The following TMTC2 variants were observed in gnomAD, a reference collection of about 807,000 sequenced individuals.
TMTC2 encodes the protein transmembrane O-mannosyltransferase targeting cadherins 2.
In TMTC2, 43 loss-of-function variants were observed where a neutral mutation model predicts 82.4. The observed-to-expected ratio is 0.52, with a 90% confidence interval of 0.41 to 0.67. The LOEUF (loss-of-function observed/expected upper bound fraction) is 0.67. Ranked by LOEUF, TMTC2 falls within the 30% of genes least tolerant of loss-of-function variation. The probability of loss-of-function intolerance (pLI) is 0.00; values close to 1 mark genes in which losing one functional copy is unlikely to be tolerated. For missense variants in TMTC2, 919 were observed against 1,012.4 expected (o/e 0.91, Z 1.25); for synonymous variants, 408 against 381.9 (o/e 1.07, Z -0.80).
intron 11 of TMTC2, among the ~76,000 whole-genome samples, chr12:83,100,563 T>C (rs955813927): frequency 2.6e-5 from 4 of 152,218 alleles, no homozygotes; most frequent in Non-Finnish European, 4.4e-5. Flanking sequence ...TATATTGTTT[T>C]GAAATATGTC....
chr12:83,069,319 T>C (rs1883028345), intron 11 of TMTC2, among the ~76,000 whole-genome samples: 1 of 152,196 alleles, frequency 6.6e-6, no homozygotes, highest in African/African-American at 2.4e-5. Context: ...ACCAGCAGTG[T>C]AGAAATGTTC....
intron 1 of TMTC2, among the ~76,000 whole-genome samples, chr12:82,730,287 T>C: frequency 1.0e-5 from 1 of 97,266 alleles, no homozygotes. Context: ...AGAGCAAAAC[T>C]CTGTCTCTCA....
At chr12:82,805,688 G>T (rs1265626025) in intron 1 of TMTC2, among the ~76,000 whole-genome samples, 2 of 151,624 alleles carry the variant, frequency 1.3e-5, no homozygotes, top group South Asian at 2.1e-4. Flanking sequence ...TGTATTTTTA[G>T]TAGAGACGGG....
intron 8 of TMTC2, among the ~76,000 whole-genome samples, chr12:83,029,730 T>A (rs1430567730): frequency 1.3e-5 from 2 of 152,178 alleles, no homozygotes; most frequent in African/African-American, 4.8e-5. Context: ...TTCTCCTATC[T>A]TGTGCCATCC....
chr12:82,915,932 G>A (rs1334217437), intron 3 of TMTC2, among the ~76,000 whole-genome samples: 1 of 152,174 alleles, frequency 6.6e-6, no homozygotes, highest in Non-Finnish European at 1.5e-5. Flanking sequence ...GCAACTCAAC[G>A]TCTGTCATCC....
chr12:82,752,525 A>G (rs920569436), intron 1 of TMTC2, among the ~76,000 whole-genome samples: 2 of 151,958 alleles, frequency 1.3e-5, no homozygotes, highest in African/African-American at 2.4e-5. Flanking sequence ...TTAGGGCTGG[A>G]GTTACCCTGA....
chr12:82,733,164 A>C (rs1429467218), intron 1 of TMTC2, among the ~76,000 whole-genome samples: 1 of 152,196 alleles, frequency 6.6e-6, no homozygotes. Context: ...GAAATGATGC[A>C]ATTAAGGAAA....
At chr12:83,083,598 G>A (rs934871253) in intron 11 of TMTC2, among the ~76,000 whole-genome samples, 1 of 152,170 alleles carries the variant, frequency 6.6e-6, no homozygotes, top group Non-Finnish European at 1.5e-5. Context: ...GCGTAGACTG[G>A]TGCCTAAAGA....
rs1215915423 is a variant in TMTC2, at chr12:82,872,009, C to G, written c.654+14429C>G. On this transcript the variant is annotated intron_variant, in intron 2 of 11. Transcript: ENST00000321196. The stretch of plus-strand genomic sequence containing the variant: ...ATTACAAAAAAGTTGAACAACACCC[C>G]CCCCCCCGCCCACACCCCGCAGTTG... 5.3e-5 allele frequency among the ~76,000 whole-genome samples: 7 copies of G among 130,924 alleles called. No individual in the cohort carries two copies. In the East Asian group the frequency reaches 7.3e-4, roughly 14 times the overall value. The allele number at this position is 130,924 out of a possible 152,430, so 85.9% of individuals were successfully genotyped here. A position where few individuals can be genotyped will look rare whatever the true frequency, so the allele number is the denominator to read the frequency against.
At chr12:82,858,301 A>C (rs954893137) in intron 2 of TMTC2, among the ~76,000 whole-genome samples, 1 of 152,200 alleles carries the variant, frequency 6.6e-6, no homozygotes, top group Non-Finnish European at 1.5e-5. Flanking sequence ...CTAGAGCATT[A>C]AGGAGAGGCA....
In TMTC2 at chr12:82,869,846, A is replaced by T. The variant is rs189013738; in HGVS notation, c.654+12266A>T. On this transcript the variant is annotated intron_variant, in intron 2 of 11. Transcript: ENST00000321196. ...AGAGTGAGACCCTGTCTCAAAAAAA[A>T]AAATAAATAAAAAATAAAAATAAAA... Among the ~76,000 whole-genome samples, 1,516 of 151,884 alleles carry T rather than the reference A, an allele frequency of 1.0e-2. 9 individuals carry two copies. The highest frequency in any genetic ancestry group is 0.015 in the Non-Finnish European group (998 of 67,938).
intron 8 of TMTC2, among the ~76,000 whole-genome samples, chr12:83,022,448 CAT>C (rs1209387167): frequency 6.9e-6 from 1 of 144,596 alleles, no homozygotes; most frequent in Non-Finnish European, 1.5e-5. Flanking sequence ...GTTACCTACT[CAT>C]GTGTAAACTA....
intron 11 of TMTC2, among the ~76,000 whole-genome samples, chr12:83,062,417 C>A (rs1380045189): frequency 6.6e-6 from 1 of 151,656 alleles, no homozygotes; most frequent in African/African-American, 2.4e-5. Context: ...ACTGGTTTTG[C>A]CTCGGTCTTC....
intron 8 of TMTC2, among the ~76,000 whole-genome samples, chr12:82,997,081 G>A (rs1879653374): frequency 6.7e-6 from 1 of 149,750 alleles, no homozygotes; most frequent in South Asian, 2.1e-4. Flanking sequence ...TGCCAAAGTG[G>A]TAATCACTCC....
At chr12:83,125,107 C>G (rs1053849137) in intron 11 of TMTC2, among the ~76,000 whole-genome samples, 1 of 152,184 alleles carries the variant, frequency 6.6e-6, no homozygotes, top group South Asian at 2.1e-4. Flanking sequence ...CTGCTGTCCT[C>G]CCGTATTCAT....
intron 2 of TMTC2, among the ~76,000 whole-genome samples, chr12:82,871,054 A>T (rs777345567): frequency 1.4e-4 from 21 of 152,232 alleles, no homozygotes; most frequent in African/African-American, 1.9e-4. Context: ...TCATTTGCAT[A>T]TACACACAGC....
At chr12:82,999,955 G>T (rs746590168) in intron 8 of TMTC2, among the ~76,000 whole-genome samples, 2 of 152,142 alleles carry the variant, frequency 1.3e-5, no homozygotes, top group Non-Finnish European at 2.9e-5. Flanking sequence ...ACAGTCCAAA[G>T]TCTCATCTGA....
intron 1 of TMTC2, among the ~76,000 whole-genome samples, chr12:82,770,170 G>T (rs1877207592): frequency 1.3e-5 from 2 of 152,216 alleles, no homozygotes; most frequent in South Asian, 4.2e-4. Context: ...TTTTACTTGA[G>T]TTTGCCTAGG....
At chr12:83,049,907 T>G (rs1565869177) in intron 9 of TMTC2, among the ~76,000 whole-genome samples, 2 of 152,240 alleles carry the variant, frequency 1.3e-5, no homozygotes, top group Non-Finnish European at 2.9e-5. Flanking sequence ...ATTTCTCTAA[T>G]GATTAGGGAT....
Sources: allele counts gnomAD v4.1 joint callset (sites outside exome capture counted in the v4.1 genomes callset), GRCh38; gene constraint gnomAD v4.1.1; transcripts MANE v1.5; gene names NCBI Gene and HGNC (gene_info 2026-07-23, HGNC 2026-07-21).